Variants in TBC1D22A observed in about 807,000 individuals in gnomAD.
TBC1D22A encodes the protein putative GTPase activator.
Under a neutral mutation model 60.2 loss-of-function variants are expected in TBC1D22A, and 38 were observed. The ratio of observed to expected loss-of-function variants is 0.63; its 90% CI spans 0.49 to 0.83. The LOEUF is 0.83. Among genes scored for constraint, TBC1D22A ranks in the 40% least tolerant of loss-of-function variants. The pLI is 0.00. For missense variants in TBC1D22A, 628 were observed against 701.0 expected (o/e 0.90, Z 1.18); for synonymous variants, 302 against 281.7 (o/e 1.07, Z -0.72).
At chr22:47,063,666 C>T (rs1013129909) in intron 11 of TBC1D22A, among the ~76,000 whole-genome samples, 1 of 152,158 alleles carries the variant, frequency 6.6e-6, no homozygotes, top group East Asian at 1.9e-4. Flanking sequence ...TGTCCTAGAG[C>T]TGCCATGTGT....
chr22:46,941,841 T>TATATGTATAGAATATGTATAGA (rs1466318907), intron 8 of TBC1D22A, among the ~76,000 whole-genome samples: 2 of 146,994 alleles, frequency 1.4e-5, no homozygotes, highest in Non-Finnish European at 3.0e-5. Flanking sequence ...AATAATAGAA[T>TATATGTATAGAATATGTATAGA]ATATGTATAG....
intron 11 of TBC1D22A, among the ~76,000 whole-genome samples, chr22:47,047,237 A>G (rs145645898): frequency 3.3e-5 from 5 of 152,342 alleles, no homozygotes; most frequent in African/African-American, 7.2e-5. Context: ...CTAGAAATGC[A>G]TGGCCTGGGA....
intron 8 of TBC1D22A, among the ~76,000 whole-genome samples, chr22:46,918,408 G>A (rs533591522): frequency 6.6e-6 from 1 of 152,342 alleles, no homozygotes; most frequent in East Asian, 1.9e-4. Context: ...AGGGGACCTG[G>A]AGAAGATGTG....
intron 1 of TBC1D22A, among the ~76,000 whole-genome samples, chr22:46,773,318 T>C (rs2083567854): frequency 6.6e-6 from 1 of 152,162 alleles, no homozygotes; most frequent in Admixed American, 6.5e-5. Flanking sequence ...GTAGTTCTTT[T>C]TCCTGAGGAG....
intron 5 of TBC1D22A, among the ~76,000 whole-genome samples, chr22:46,880,126 C>T (rs1026573634): frequency 3.3e-5 from 5 of 152,184 alleles, no homozygotes; most frequent in African/African-American, 1.2e-4. Context: ...GGCGCACTGG[C>T]GACGCAGCCT....
chr22:47,140,844 A>G (rs550585209), intron 12 of TBC1D22A, among the ~76,000 whole-genome samples: 2 of 152,320 alleles, frequency 1.3e-5, no homozygotes, highest in East Asian at 1.9e-4. Context: ...CCCTACCCCA[A>G]AAAAACCTGC....
intron 8 of TBC1D22A, among the ~76,000 whole-genome samples, chr22:46,953,537 A>G (rs183265279): frequency 3.6e-4 from 55 of 151,918 alleles, no homozygotes; most frequent in African/African-American, 1.2e-3. Context: ...CTTAAACATG[A>G]TTTCTTTTGC....
chr22:46,893,244 T>C (rs1236973824), intron 6 of TBC1D22A, among the ~76,000 whole-genome samples: 1 of 152,254 alleles, frequency 6.6e-6, no homozygotes, highest in African/African-American at 2.4e-5. Context: ...GAGAGCCACA[T>C]GGAGTCAGAG....
chr22:46,882,307 C>A (rs2067891352), intron 5 of TBC1D22A, among the ~76,000 whole-genome samples: 1 of 152,146 alleles, frequency 6.6e-6, no homozygotes, highest in East Asian at 1.9e-4. Flanking sequence ...GAGGTTCAGG[C>A]CTGCCTTCTT....
intron 4 of TBC1D22A, among the ~76,000 whole-genome samples, chr22:46,841,932 C>G (rs192946250): frequency 5.9e-5 from 9 of 152,330 alleles, no homozygotes; most frequent in African/African-American, 1.9e-4. Context: ...CTACGTAAAT[C>G]TGAATCCCAT....
intron 12 of TBC1D22A, among the ~76,000 whole-genome samples, chr22:47,113,050 C>T (rs2065907641): frequency 6.6e-6 from 1 of 152,224 alleles, no homozygotes; most frequent in Non-Finnish European, 1.5e-5. Flanking sequence ...CCACAGTAGG[C>T]TCTCCATCTG....
At chr22:47,003,866 C>G (rs1279234938) in intron 10 of TBC1D22A, among the ~76,000 whole-genome samples, 1 of 143,936 alleles carries the variant, frequency 6.9e-6, no homozygotes, top group Non-Finnish European at 1.5e-5. Context: ...TATACACACA[C>G]CCACCAGATA....
intron 7 of TBC1D22A, among the ~76,000 whole-genome samples, chr22:46,909,091 G>A (rs556834520): frequency 6.6e-6 from 1 of 152,196 alleles, no homozygotes; most frequent in Non-Finnish European, 1.5e-5. Context: ...GTGAAGTTGG[G>A]TATGTCCTAT....
intron 12 of TBC1D22A, among the ~76,000 whole-genome samples, chr22:47,160,126 T>C (rs2067916718): frequency 6.6e-6 from 1 of 152,162 alleles, no homozygotes; most frequent in African/African-American, 2.4e-5. Context: ...ACCCCTTCCT[T>C]GGTTTCCCCG....
chr22:47,002,089 T>G (rs1024140778), intron 10 of TBC1D22A, among the ~76,000 whole-genome samples: 1 of 152,230 alleles, frequency 6.6e-6, no homozygotes, highest in Non-Finnish European at 1.5e-5. Flanking sequence ...AAATCAACAG[T>G]TCGCACCAAT....
intron 11 of TBC1D22A, among the ~76,000 whole-genome samples, chr22:47,048,627 C>T (rs374506057): frequency 2.7e-4 from 41 of 152,212 alleles, no homozygotes; most frequent in African/African-American, 8.0e-4. Flanking sequence ...AGGCCTCTCC[C>T]GCCAGCTCCT....
intron 11 of TBC1D22A, among the ~76,000 whole-genome samples, chr22:47,098,707 C>G (rs568874122): frequency 6.6e-6 from 1 of 152,342 alleles, no homozygotes; most frequent in South Asian, 2.1e-4. Flanking sequence ...TCAGATGACT[C>G]GCATCATGGG....
chr22:46,976,262 A>G (rs1287164928), intron 9 of TBC1D22A, among the ~76,000 whole-genome samples: 1 of 152,176 alleles, frequency 6.6e-6, no homozygotes, highest in Non-Finnish European at 1.5e-5. Flanking sequence ...GTTTATTGGC[A>G]GGGCCGATGA....
intron 11 of TBC1D22A, among the ~76,000 whole-genome samples, chr22:47,042,712 G>T (rs1426465537): frequency 6.6e-6 from 1 of 152,238 alleles, no homozygotes; most frequent in Non-Finnish European, 1.5e-5. Context: ...CCACTGCTGA[G>T]AGGGGCCACA....
Sources: gnomAD v4.1 joint callset for allele counts (sites outside exome capture counted in the v4.1 genomes callset) on GRCh38, gnomAD v4.1.1 for gene constraint, MANE v1.5 for transcripts, NCBI Gene and HGNC (gene_info 2026-07-23, HGNC 2026-07-21) for gene names.